VAT1L: variants seen among roughly 807,000 people sequenced by gnomAD.
VAT1L encodes putative NADPH-dependent quinone oxidoreductase VAT1L.
In VAT1L, 34 loss-of-function variants were observed where a neutral mutation model predicts 44.1. The ratio of observed to expected loss-of-function variants is 0.77; its 90% CI spans 0.59 to 1.03. VAT1L has a LOEUF of 1.03. Ranked by LOEUF, VAT1L falls within the 50% of genes least tolerant of loss-of-function variation. VAT1L has a pLI of 0.00. For synonymous variants in VAT1L, 253 were observed against 202.2 expected (o/e 1.25, Z -2.13); for missense variants, 615 against 538.8 (o/e 1.14, Z -1.40).
chr16:77,901,233 A>T (rs973564707), intron 7 of VAT1L, among the ~76,000 whole-genome samples: 1 of 134,786 alleles, frequency 7.4e-6, no homozygotes, highest in Non-Finnish European at 1.5e-5. Context: ...GCGACATCTC[A>T]GCTCACTGCA....
chr16:77,890,742 G>A (rs897958216), intron 7 of VAT1L, among the ~76,000 whole-genome samples: 1 of 151,452 alleles, frequency 6.6e-6, no homozygotes, highest in African/African-American at 2.4e-5. Flanking sequence ...GAGCAACATG[G>A]TGATACCCCA....
intron 2 of VAT1L, among the ~76,000 whole-genome samples, chr16:77,818,766 C>CA (rs1230490490): frequency 1.3e-5 from 2 of 152,070 alleles, no homozygotes; most frequent in Admixed American, 6.5e-5. Context: ...TGTGGCTGCA[C>CA]AAAAAAATAA....
chr16:77,871,597 G>T (rs1276768055), intron 4 of VAT1L, among the ~76,000 whole-genome samples: 1 of 152,112 alleles, frequency 6.6e-6, no homozygotes, highest in Non-Finnish European at 1.5e-5. Flanking sequence ...CCCACTCTAT[G>T]CAGTGGGCCC....
intron 1 of VAT1L, among the ~76,000 whole-genome samples, chr16:77,789,563 C>T (rs1338003388): frequency 6.6e-6 from 1 of 152,146 alleles, no homozygotes; most frequent in African/African-American, 2.4e-5. Context: ...CTTCCTTCCC[C>T]GTAGCCTGAC....
Position 77,964,639 on chromosome 16 carries a change from G to C in VAT1L, c.1078-7211G>C, listed in dbSNP as rs75579004. 2.5e-3 allele frequency among the ~76,000 whole-genome samples: 377 copies of C among 152,212 alleles called. 1 individual carries two copies. Among genetic ancestry groups the C allele is most frequent in the African/African-American group, 8.7e-3 (362 of 41,508 alleles). ...GTAACAAACATATCCTCAGGTTCTG[G>C]AGATTAGGGAATGGATGGGTTGGGA... On this transcript the variant is annotated intron_variant, in intron 7 of 8. Transcript: ENST00000302536.
chr16:77,912,656 G>A (rs985106536), intron 7 of VAT1L, among the ~76,000 whole-genome samples: 1 of 152,166 alleles, frequency 6.6e-6, no homozygotes, highest in Non-Finnish European at 1.5e-5. Flanking sequence ...CAAACATGTT[G>A]CTATTTCTCC....
At chr16:77,834,721 C>T (rs896888942) in intron 3 of VAT1L, among the ~76,000 whole-genome samples, 3 of 152,142 alleles carry the variant, frequency 2.0e-5, no homozygotes, top group African/African-American at 7.2e-5. Context: ...CACTAAGATT[C>T]CAGGCCCTTG....
chr16:77,975,194 CTTTTTTTTTTTTTTTTTTTTT>C (rs35017686), intron 8 of VAT1L, among the ~76,000 whole-genome samples: 590 of 39,904 alleles, frequency 0.015, 43 homozygotes, highest in African/African-American at 0.059. Context: ...GGAATGACCA[CTTTTTTTTTTTTTTTTTTTTT>C]TTTTTTTTTT....
intron 7 of VAT1L, among the ~76,000 whole-genome samples, chr16:77,970,097 G>A (rs1009141569): frequency 1.3e-5 from 2 of 149,086 alleles, no homozygotes; most frequent in East Asian, 2.0e-4. Flanking sequence ...AGCTGAGCAC[G>A]TGGTGACGCT....
intron 7 of VAT1L, among the ~76,000 whole-genome samples, chr16:77,907,339 C>T (rs1428092230): frequency 6.6e-6 from 1 of 152,220 alleles, no homozygotes; most frequent in Non-Finnish European, 1.5e-5. Flanking sequence ...TGCTGGTCTC[C>T]TGTGTGCAGA....
intron 4 of VAT1L, among the ~76,000 whole-genome samples, chr16:77,863,300 G>A (rs112424023): frequency 2.6e-5 from 4 of 152,304 alleles, no homozygotes; most frequent in African/African-American, 9.6e-5. Context: ...TTTGCTTCTA[G>A]CCAACAGATG....
chr16:77,856,355 G>A (rs1177959002), intron 3 of VAT1L, among the ~76,000 whole-genome samples: 2 of 152,132 alleles, frequency 1.3e-5, no homozygotes, highest in African/African-American at 4.8e-5. Context: ...GCTAAATCCT[G>A]AATCTCAGTG....
chr16:77,793,030 A>G (rs551325720), intron 1 of VAT1L, among the ~76,000 whole-genome samples: 3 of 152,310 alleles, frequency 2.0e-5, no homozygotes, highest in East Asian at 1.9e-4. Context: ...CAGGCATAGC[A>G]AGTAGTCAAA....
chr16:77,941,444 G>A (rs1415540395), intron 7 of VAT1L, among the ~76,000 whole-genome samples: 2 of 152,128 alleles, frequency 1.3e-5, no homozygotes, highest in Non-Finnish European at 1.5e-5. Context: ...TTCCCACCAT[G>A]GCTGATTTCA....
At chr16:77,938,998 T>C (rs1415997680) in intron 7 of VAT1L, among the ~76,000 whole-genome samples, 1 of 152,088 alleles carries the variant, frequency 6.6e-6, no homozygotes, top group African/African-American at 2.4e-5. Context: ...GGAATGAGAC[T>C]TTAAACCTTT....
intron 7 of VAT1L, among the ~76,000 whole-genome samples, chr16:77,955,910 A>C (rs561869611): frequency 6.6e-6 from 1 of 152,188 alleles, no homozygotes; most frequent in African/African-American, 2.4e-5. Flanking sequence ...ACCTGGCAAC[A>C]GTGCATCAAG....
At chr16:77,910,576 A>C (rs1019628957) in intron 7 of VAT1L, among the ~76,000 whole-genome samples, 1 of 149,522 alleles carries the variant, frequency 6.7e-6, no homozygotes, top group African/African-American at 2.5e-5. Context: ...CGGGAGGCTG[A>C]GGCAGGAGAA....
chr16:77,875,374 G>C (rs151077126), intron 4 of VAT1L, among the ~76,000 whole-genome samples: 248 of 152,270 alleles, frequency 1.6e-3, no homozygotes, highest in African/African-American at 5.6e-3. Context: ...GGGTGAACTT[G>C]GGGGTAGAAA....
chr16:77,904,360 T>C (rs2017418084), intron 7 of VAT1L, among the ~76,000 whole-genome samples: 1 of 152,178 alleles, frequency 6.6e-6, no homozygotes, highest in Admixed American at 6.5e-5. Flanking sequence ...TAACAAAATA[T>C]CAAAGACTGA....
Sources: gnomAD v4.1 joint callset for allele counts (sites outside exome capture counted in the v4.1 genomes callset) on GRCh38, gnomAD v4.1.1 for gene constraint, MANE v1.5 for transcripts, NCBI Gene and HGNC (gene_info 2026-07-23, HGNC 2026-07-21) for gene names.